GRM3: variants seen among roughly 807,000 people sequenced by gnomAD.
GRM3 encodes glutamate metabotropic receptor 3, also known as metabotropic glutamate receptor 3.
GRM3 carries 26 observed loss-of-function variants against 70.5 expected under a neutral mutation model. The ratio of observed to expected loss-of-function variants is 0.37; its 90% CI spans 0.27 to 0.51. The LOEUF (loss-of-function observed/expected upper bound fraction) is 0.51, where lower values mean the gene tolerates loss of function less well. Ranked by LOEUF, GRM3 falls within the 20% of genes least tolerant of loss-of-function variation. The pLI, the probability that GRM3 is intolerant of heterozygous loss-of-function variation, is 0.93. For synonymous variants in GRM3, 443 were observed against 434.9 expected (o/e 1.02, Z -0.23); for missense variants, 859 against 1,123.8 (o/e 0.76, Z 3.37).
chr7:86,652,844 T>C (rs1030670094), intron 1 of GRM3, among the ~76,000 whole-genome samples: 3 of 152,212 alleles, frequency 2.0e-5, no homozygotes, highest in African/African-American at 7.2e-5. Flanking sequence ...TAGAATCACT[T>C]TGAAGTTTAC....
chr7:86,710,062 A>G (rs117438738), intron 1 of GRM3: 12 of 152,222 alleles, frequency 7.9e-5, no homozygotes, highest in Non-Finnish European at 1.5e-4. Flanking sequence ...TTCTATCTCA[A>G]AGCCAAATTT....
chr7:86,800,569 T>A (rs1247446721), intron 3 of GRM3, among the ~76,000 whole-genome samples: 2 of 152,126 alleles, frequency 1.3e-5, no homozygotes, highest in Admixed American at 1.3e-4. Context: ...GACACATACA[T>A]CTTCCCAAGG....
At chr7:86,681,966 G>C (rs376384748) in intron 1 of GRM3, among the ~76,000 whole-genome samples, 12 of 152,292 alleles carry the variant, frequency 7.9e-5, no homozygotes, top group Admixed American at 3.3e-4. Context: ...AAGCTTCGTA[G>C]ATCAGTTACG....
intron 3 of GRM3, among the ~76,000 whole-genome samples, chr7:86,836,362 A>G (rs1798457040): frequency 6.6e-6 from 1 of 152,362 alleles, no homozygotes; most frequent in Non-Finnish European, 1.5e-5. Context: ...AAATGTTAAA[A>G]CTATAAGAAT....
At chr7:86,697,182 C>G (rs780961907) in intron 1 of GRM3, among the ~76,000 whole-genome samples, 5 of 151,878 alleles carry the variant, frequency 3.3e-5, no homozygotes, top group Non-Finnish European at 7.4e-5. Context: ...ATCTTTGAAA[C>G]CACATACCCA....
intron 1 of GRM3, among the ~76,000 whole-genome samples, chr7:86,732,568 G>A (rs946136333): frequency 6.6e-6 from 1 of 152,202 alleles, no homozygotes; most frequent in Non-Finnish European, 1.5e-5. Flanking sequence ...ATATTTTTGA[G>A]CATTTACTAT....
chr7:86,756,376 G>T (rs1176220706), intron 1 of GRM3, among the ~76,000 whole-genome samples: 3 of 152,112 alleles, frequency 2.0e-5, no homozygotes, highest in Non-Finnish European at 2.9e-5. Context: ...ACGGTGCCTG[G>T]CCCTCCTCTA....
intron 4 of GRM3, among the ~76,000 whole-genome samples, chr7:86,841,551 T>G (rs1562879924): frequency 2.0e-5 from 3 of 152,098 alleles, no homozygotes; most frequent in Non-Finnish European, 4.4e-5. Flanking sequence ...GGATTTTTTT[T>G]TAAGTTTTTA....
At chr7:86,672,041 TC>T (rs1366143912) in intron 1 of GRM3, among the ~76,000 whole-genome samples, 2 of 152,216 alleles carry the variant, frequency 1.3e-5, no homozygotes, top group Non-Finnish European at 2.9e-5. Context: ...TTTTATTGTT[TC>T]TTCCACTGTT....
intron 1 of GRM3, among the ~76,000 whole-genome samples, chr7:86,687,273 C>CA (rs1338693708): frequency 1.3e-5 from 2 of 151,724 alleles, no homozygotes; most frequent in Non-Finnish European, 2.9e-5. Flanking sequence ...TGTCCAAACA[C>CA]AAAGCACAAT....
chr7:86,684,755 A>C (rs1033749514), intron 1 of GRM3, among the ~76,000 whole-genome samples: 10 of 152,224 alleles, frequency 6.6e-5, no homozygotes, highest in Admixed American at 6.5e-4. Context: ...TTCTTCAAGA[A>C]TTCAGGTTAA....
intron 2 of GRM3, chr7:86,784,232 A>C (rs1034679743): frequency 6.6e-6 from 1 of 150,934 alleles, no homozygotes; most frequent in East Asian, 1.9e-4. Context: ...TTTTTTGAGC[A>C]GTTTCTCATT....
At chr7:86,665,404 G>C (rs1794001393) in intron 1 of GRM3, among the ~76,000 whole-genome samples, 1 of 152,008 alleles carries the variant, frequency 6.6e-6, no homozygotes, top group Non-Finnish European at 1.5e-5. Flanking sequence ...TCTGGCACTT[G>C]ATAGGTGCTT....
At chr7:86,685,949 C>G (rs1183368629) in intron 1 of GRM3, among the ~76,000 whole-genome samples, 1 of 150,746 alleles carries the variant, frequency 6.6e-6, no homozygotes, top group Non-Finnish European at 1.5e-5. Flanking sequence ...CACCAAAGAC[C>G]ACTGTGGGAA....
At position 86,644,465 on chromosome 7, in the gene GRM3, TAAGAG is replaced by T. The variant is rs1793403054; in HGVS notation, c.-544_-540del. On this transcript the variant is annotated 5_prime_UTR_variant, in exon 1 of 6. Coordinates refer to ENST00000361669, the MANE Select transcript of GRM3 (RefSeq NM_000840.3). Reference sequence around the variant, plus strand: ...GCGCCTAGGAAGTGGGTTTGCCTGATAAGAGAAGGAGGAGGGGACTCGGCTGGGAA... The same window carrying T: ...GCGCCTAGGAAGTGGGTTTGCCTGATAAGGAGGAGGGGACTCGGCTGGGAA... 1 of 346,102 alleles carries T rather than the reference TAAGAG, an allele frequency of 2.9e-6. No homozygotes were observed. Among genetic ancestry groups the T allele is most frequent in the African/African-American group, 2.2e-5 (1 of 46,116 alleles). 21.4% of individuals were successfully genotyped at this position (346,102 alleles called of 1,614,324 possible). A position where few individuals can be genotyped will look rare whatever the true frequency, so the allele number is the denominator to read the frequency against.
At chr7:86,846,308 A>G (rs1045063312) in intron 4 of GRM3, among the ~76,000 whole-genome samples, 1 of 152,196 alleles carries the variant, frequency 6.6e-6, no homozygotes, top group African/African-American at 2.4e-5. Flanking sequence ...GCTGGGGATT[A>G]ATCCTTCAAG....
At chr7:86,850,311 T>C in intron 4 of GRM3, 59 bp from the exon 5 acceptor site, 1 of 1,198,774 alleles carries the variant, frequency 8.3e-7, no homozygotes, top group South Asian at 1.2e-5. Context: ...GCACTCTCTT[T>C]AGTTGGCCAC....
At chr7:86,859,933 T>C (rs1370781937) in intron 5 of GRM3, among the ~76,000 whole-genome samples, 1 of 152,204 alleles carries the variant, frequency 6.6e-6, no homozygotes, top group Non-Finnish European at 1.5e-5. Context: ...AAGCAAAATA[T>C]GCCTTTTGAT....
intron 3 of GRM3, among the ~76,000 whole-genome samples, chr7:86,837,436 A>G (rs2116731157): frequency 6.6e-6 from 1 of 152,348 alleles, no homozygotes; most frequent in African/African-American, 2.4e-5. Context: ...CAATACTCAC[A>G]GGGTCAGACA....
Sources: allele counts gnomAD v4.1 joint callset (sites outside exome capture counted in the v4.1 genomes callset), GRCh38; gene constraint gnomAD v4.1.1; transcripts MANE v1.5; gene names NCBI Gene and HGNC (gene_info 2026-07-23, HGNC 2026-07-21).